The following ASXL2 variants were observed in gnomAD, a reference collection of about 807,000 sequenced individuals.
ASXL2 encodes the protein putative Polycomb group protein ASXL2.
Under a neutral mutation model 122.0 loss-of-function variants are expected in ASXL2, and 23 were observed. The observed-to-expected ratio is 0.19, with a 90% CI of 0.14 to 0.27. ASXL2 has a LOEUF of 0.27. Among genes scored for constraint, ASXL2 ranks in the 10% least tolerant of loss-of-function variants. ASXL2 has a pLI of 1.00. For missense variants in ASXL2, 1,518 were observed against 1,713.8 expected (o/e 0.89, Z 2.02); for synonymous variants, 650 against 637.0 (o/e 1.02, Z -0.31).
At chr2:25,822,888 G>A in intron 3 of ASXL2, 1 of 547,646 alleles carries the variant, frequency 1.8e-6, no homozygotes, top group South Asian at 1.4e-5. Flanking sequence ...TTGACCAGAA[G>A]TAGATGGAGC....
At chr2:25,748,910 A>C (rs2087987294) in intron 12 of ASXL2, among the ~76,000 whole-genome samples, 1 of 152,262 alleles carries the variant, frequency 6.6e-6, no homozygotes, top group African/African-American at 2.4e-5. Context: ...TCACATGCTA[A>C]GCAGCAGAGC....
chr2:25,770,169 T>C (rs2088421714), intron 6 of ASXL2, among the ~76,000 whole-genome samples: 1 of 152,220 alleles, frequency 6.6e-6, no homozygotes, highest in Admixed American at 6.5e-5. Context: ...CTTGATTGCA[T>C]CTATTTCTGC....
At chr2:25,819,904 C>CTTAT (rs879625913) in intron 3 of ASXL2, among the ~76,000 whole-genome samples, 30 of 152,010 alleles carry the variant, frequency 2.0e-4, no homozygotes, top group Non-Finnish European at 3.1e-4. Context: ...GCTTGACTGA[C>CTTAT]TTATTTATTT....
intron 12 of ASXL2, among the ~76,000 whole-genome samples, chr2:25,749,065 G>GTAAA (rs2087990403): frequency 6.6e-6 from 1 of 151,872 alleles, no homozygotes; most frequent in African/African-American, 2.4e-5. Flanking sequence ...GCAAGAAAAG[G>GTAAA]GTAAACTCAA....
At chr2:25,761,069 T>C (rs1363161579) in intron 8 of ASXL2, among the ~76,000 whole-genome samples, 2 of 152,076 alleles carry the variant, frequency 1.3e-5, no homozygotes, top group African/African-American at 4.8e-5. Context: ...TCTCAGAATA[T>C]GAGAGAGAAG....
At position 25,737,965 on chromosome 2, in the gene ASXL2, G is replaced by GA. The variant is rs1298944075; in HGVS notation, c.*4063dup. On this transcript the variant is annotated 3_prime_UTR_variant, in exon 13 of 13. Transcript: ENST00000435504. ...CTGTACAAACCTTACAGCCAGAAGGGAAAAAAATAGCTTGTGGTAAATAAG... is the reference window on the plus strand; with the variant it reads ...CTGTACAAACCTTACAGCCAGAAGGGAAAAAAAATAGCTTGTGGTAAATAAG... The GA allele has an allele frequency of 6.6e-6, 1 of 151,672 alleles. No homozygotes were observed. Among genetic ancestry groups the GA allele is most frequent in the Non-Finnish European group, 1.5e-5 (1 of 67,880 alleles). 9.4% of individuals were successfully genotyped at this position (151,672 alleles called of 1,614,324 possible). A position where few individuals can be genotyped will look rare whatever the true frequency, so the allele number is the denominator to read the frequency against.
At chr2:25,871,977 G>C (rs568718330) in intron 1 of ASXL2, among the ~76,000 whole-genome samples, 1 of 152,236 alleles carries the variant, frequency 6.6e-6, no homozygotes, top group South Asian at 2.1e-4. Context: ...AAACTCTTGG[G>C]TGAAAAGGAG....
intron 1 of ASXL2, among the ~76,000 whole-genome samples, chr2:25,863,244 C>A (rs1387309860): frequency 6.7e-6 from 1 of 149,394 alleles, no homozygotes; most frequent in Non-Finnish European, 1.5e-5. Flanking sequence ...GCAGGAGAAT[C>A]GCTTGAACCC....
intron 3 of ASXL2, chr2:25,822,510 T>A: frequency 2.0e-6 from 1 of 493,272 alleles, no homozygotes; most frequent in Non-Finnish European, 3.9e-6. Flanking sequence ...GAAGGGACTA[T>A]GTCTTCACTG....
intron 3 of ASXL2, 35 bp downstream of exon 3, chr2:25,835,503 A>AT (rs1485134222): frequency 1.8e-5 from 5 of 275,282 alleles, no homozygotes; most frequent in Admixed American, 7.9e-5. Flanking sequence ...TTATAATTGC[A>AT]TAATACTTCT....
intron 5 of ASXL2, among the ~76,000 whole-genome samples, chr2:25,793,338 T>C (rs965059812): frequency 6.6e-6 from 1 of 152,196 alleles, no homozygotes; most frequent in Non-Finnish European, 1.5e-5. Flanking sequence ...GATATTTACA[T>C]ACTGCTCACT....
chr2:25,877,249 T>C (rs2149206318), intron 1 of ASXL2, among the ~76,000 whole-genome samples: 2 of 152,338 alleles, frequency 1.3e-5, no homozygotes, highest in Middle Eastern at 6.8e-3. Context: ...CTATTACTTT[T>C]CTGCTGCACC....
At chr2:25,838,040 G>A (rs930063232) in intron 2 of ASXL2, among the ~76,000 whole-genome samples, 39 of 151,872 alleles carry the variant, frequency 2.6e-4, no homozygotes, top group Non-Finnish European at 5.1e-4. Flanking sequence ...TCAAGGCTGC[G>A]GTGAGCCATG....
rs766080550 is a variant in ASXL2 at position 25,742,164 on chromosome 2, G to C, written c.4173C>G (p.Asn1391Lys). The change falls in exon 13 of 13, where the codon AAC (asparagine) becomes AAG (lysine). Residue 1391 changes from asparagine to lysine, a missense_variant. This residue lies in a region of ASXL2 where 831 missense variants were observed against 833.1 expected (regional missense o/e 1.00). Transcript: ENST00000435504. ...ATTTCGAAGGCGTGCCCTCTATGCT[G>C]TTCTCTTCGGAGAACGCCTGAACAG... The part of the protein sequence containing the change: ...TIPVQAFSEE[N>K]SIEGTPSKCY... The C allele has an allele frequency of 1.2e-6, 2 of 1,613,916 alleles. No homozygotes were observed. Among genetic ancestry groups the C allele is most frequent in the African/African-American group, 1.3e-5 (1 of 74,932 alleles).
At chr2:25,857,813 T>A (rs186525780) in intron 1 of ASXL2, among the ~76,000 whole-genome samples, 173 of 152,316 alleles carry the variant, frequency 1.1e-3, no homozygotes, top group African/African-American at 3.9e-3. Context: ...TGTCCATCTT[T>A]CACCCCTACC....
chr2:25,877,819 A>G (rs1477319100), intron 1 of ASXL2, among the ~76,000 whole-genome samples: 1 of 152,198 alleles, frequency 6.6e-6, no homozygotes, highest in Non-Finnish European at 1.5e-5. Flanking sequence ...CAGCCGCACA[A>G]GGGAGAAGAA....
chr2:25,789,168 T>C (rs1360082334), intron 5 of ASXL2, among the ~76,000 whole-genome samples: 1 of 152,066 alleles, frequency 6.6e-6, no homozygotes, highest in Non-Finnish European at 1.5e-5. Context: ...AATATATTAC[T>C]GCATTTTCTG....
Position 25,857,934 on chromosome 2 carries a change from G to A in ASXL2, c.58-12371C>T, listed in dbSNP as rs550566769. On this transcript the variant is annotated intron_variant, in intron 1 of 12. Transcript: ENST00000435504. ...GTCACCCAGGCTGGAGTGCAGTGGCGCGGTCTCAACTCACTGCAATCTCTA... is the reference window on the plus strand; with the variant it reads ...GTCACCCAGGCTGGAGTGCAGTGGCACGGTCTCAACTCACTGCAATCTCTA... Among the ~76,000 whole-genome samples the A allele has an allele frequency of 1.1e-4, 17 of 152,112 alleles. No homozygotes were observed. The South Asian group carries it at 2.9e-3, about 26-fold the overall frequency.
intron 2 of ASXL2, among the ~76,000 whole-genome samples, chr2:25,842,125 A>G (rs2089589918): frequency 6.7e-6 from 1 of 149,514 alleles, no homozygotes; most frequent in African/African-American, 2.5e-5. Context: ...AAAAAAAAGA[A>G]AAAAAAAAAA....
Sources: gnomAD v4.1 joint callset for allele counts (sites outside exome capture counted in the v4.1 genomes callset) on GRCh38, gnomAD v4.1.1 for gene constraint, gnomAD v4.1.1 regional missense constraint, MANE v1.5 for transcripts, NCBI Gene and HGNC (gene_info 2026-07-23, HGNC 2026-07-21) for gene names.